CTDSP2: variants seen among roughly 807,000 people sequenced by gnomAD.
CTDSP2 encodes the protein carboxy-terminal domain RNA polymerase II polypeptide A small phosphatase 2.
In CTDSP2, 9 loss-of-function variants were observed where a neutral mutation model predicts 31.6. The ratio of observed to expected loss-of-function variants is 0.28; its 90% confidence interval spans 0.17 to 0.50. CTDSP2 has a LOEUF of 0.50. Among genes scored for constraint, CTDSP2 ranks in the 20% least tolerant of loss-of-function variants. The pLI is 0.98. For synonymous variants in CTDSP2, 134 were observed against 134.5 expected, an observed-to-expected ratio of 1.00 and a Z score of 0.03; for missense variants, 267 against 348.5, an observed-to-expected ratio of 0.77 and a Z score of 1.86.
intron 1 of CTDSP2, among the ~76,000 whole-genome samples, chr12:57,835,266 T>A (rs1337373612): frequency 6.7e-6 from 1 of 149,930 alleles, no homozygotes; most frequent in East Asian, 2.0e-4. Flanking sequence ...AGGCGGAGGC[T>A]GCGGTGAGCC....
intron 1 of CTDSP2, among the ~76,000 whole-genome samples, chr12:57,840,021 T>C (rs772572565): frequency 6.6e-6 from 1 of 152,088 alleles, no homozygotes; most frequent in African/African-American, 2.4e-5. Flanking sequence ...AGGACTCCCC[T>C]TGAAGAGCCA....
chr12:57,826,942 G>A, intron 4 of CTDSP2, 54 bp downstream of exon 4: 1 of 1,363,896 alleles, frequency 7.3e-7, no homozygotes, highest in Non-Finnish European at 1.0e-6. Context: ...TCTGTTGCCA[G>A]ATTCACAAGA....
At chr12:57,843,112 C>G (rs1227117513) in intron 1 of CTDSP2, among the ~76,000 whole-genome samples, 6 of 152,174 alleles carry the variant, frequency 3.9e-5, no homozygotes, top group Non-Finnish European at 8.8e-5. Context: ...AAAAAAATCT[C>G]TGATTCCTCC....
intron 1 of CTDSP2, among the ~76,000 whole-genome samples, chr12:57,835,289 T>C (rs1956240757): frequency 6.6e-6 from 1 of 151,568 alleles, no homozygotes; most frequent in Non-Finnish European, 1.5e-5. Context: ...GATCACACCA[T>C]TGCACTCCAG....
intron 1 of CTDSP2, among the ~76,000 whole-genome samples, chr12:57,833,037 G>A (rs557733991): frequency 6.6e-6 from 1 of 152,248 alleles, no homozygotes; most frequent in Admixed American, 6.5e-5. Flanking sequence ...TCTTCATGCA[G>A]AACCACAATC....
At chr12:57,839,514 C>A (rs567915214) in intron 1 of CTDSP2, among the ~76,000 whole-genome samples, 6 of 152,246 alleles carry the variant, frequency 3.9e-5, no homozygotes, top group African/African-American at 1.2e-4. Flanking sequence ...GTCAGGAGAT[C>A]AAGACCATCC....
chr12:57,835,235 G>A (rs1206928239), intron 1 of CTDSP2, among the ~76,000 whole-genome samples: 2 of 152,016 alleles, frequency 1.3e-5, no homozygotes, highest in African/African-American at 4.8e-5. Flanking sequence ...AGCTGAGGCA[G>A]GAGAATTGCT....
At chr12:57,845,070 G>A (rs1292513883) in intron 1 of CTDSP2, among the ~76,000 whole-genome samples, 1 of 152,186 alleles carries the variant, frequency 6.6e-6, no homozygotes, top group African/African-American at 2.4e-5. Context: ...GGGAGACGTG[G>A]GGCGCACGAG....
Position 57,823,504 on chromosome 12 carries a change from G to A in CTDSP2, c.*98C>T. ...ACTTCCCGCTGTTTCCGGGCCGTGT[G>A]GTGAGGCACTCCAGCTTCTACTCTG... On this transcript the variant is annotated 3_prime_UTR_variant, in exon 8 of 8. Transcript: ENST00000398073. The A allele has an allele frequency of 1.4e-6, 2 of 1,418,500 alleles. No homozygotes were observed. Among genetic ancestry groups the A allele is most frequent in the Non-Finnish European group, 9.6e-7 (1 of 1,036,278 alleles). 87.9% of individuals were successfully genotyped at this position (1,418,500 alleles called of 1,614,324 possible). A position where few individuals can be genotyped will look rare whatever the true frequency, so the allele number is the denominator to read the frequency against.
chr12:57,840,644 T>C (rs1956277054), intron 1 of CTDSP2, among the ~76,000 whole-genome samples: 1 of 151,790 alleles, frequency 6.6e-6, no homozygotes, highest in South Asian at 2.1e-4. Flanking sequence ...CCATATTTGT[T>C]CCCTGGGAAC....
intron 1 of CTDSP2, 112 bp downstream of exon 1, chr12:57,846,260 G>C: frequency 2.0e-6 from 2 of 980,442 alleles, no homozygotes; most frequent in Non-Finnish European, 3.0e-6. Flanking sequence ...GTCCAGTCGG[G>C]ATCGCTGGCT....
rs1392100504 is a variant in CTDSP2 at position 57,846,468 on chromosome 12, G to T, written c.-33C>A. The T allele has an allele frequency of 2.6e-6, 4 of 1,541,768 alleles. No homozygotes were observed. Among genetic ancestry groups the T allele is most frequent in the South Asian group, 1.2e-5 (1 of 82,978 alleles). On this transcript the variant is annotated 5_prime_UTR_variant, in exon 1 of 8. Coordinates refer to ENST00000398073, the MANE Select transcript of CTDSP2 (RefSeq NM_005730.4). The stretch of plus-strand genomic sequence containing the variant: ...TCCCGCGGGCCCGGGCTGGCTGGGC[G>T]GGAGGACGGGCGGGCGCGCGGGCTG...
At chr12:57,824,174 A>AC in intron 6 of CTDSP2, 53 bp downstream of exon 6, 1 of 1,608,600 alleles carries the variant, frequency 6.2e-7, no homozygotes, top group South Asian at 1.1e-5. Context: ...CTGCTGGACC[A>AC]CCCCCGTGGC....
At chr12:57,846,333 CG>C (rs1464044810) in intron 1 of CTDSP2, 38 bp downstream of exon 1, 6 of 1,573,066 alleles carry the variant, frequency 3.8e-6, no homozygotes, top group East Asian at 2.3e-5. Context: ...CCTCCGCGCC[CG>C]GGGGCGACGC....
chr12:57,834,672 G>C (rs946688892), intron 1 of CTDSP2, among the ~76,000 whole-genome samples: 3 of 152,194 alleles, frequency 2.0e-5, no homozygotes, highest in African/African-American at 7.2e-5. Flanking sequence ...GCTCCTTTCA[G>C]CCAGCACTCA....
chr12:57,838,985 C>A (rs1406304376), intron 1 of CTDSP2, among the ~76,000 whole-genome samples: 2 of 152,202 alleles, frequency 1.3e-5, no homozygotes, highest in African/African-American at 2.4e-5. Flanking sequence ...GAGGTAGTAA[C>A]AGGGCCAAAC....
Position 57,846,366 on chromosome 12 carries a change from C to G in CTDSP2, c.64+6G>C. On this transcript the variant is annotated splice_donor_region_variant and intron_variant, in intron 1 of 7. Transcript: ENST00000398073. ...ACGCAAAGTTTTGGGAAGTTGCTGC[C>G]CCTACCTTGCTTGGTGAGCACCAGG... 6.2e-7 allele frequency: 1 copy of G among 1,605,954 alleles called. No homozygotes were observed. Among genetic ancestry groups the G allele is most frequent in the Non-Finnish European group, 8.5e-7 (1 of 1,176,514 alleles).
At chr12:57,844,259 C>T (rs982527699) in intron 1 of CTDSP2, among the ~76,000 whole-genome samples, 1 of 152,134 alleles carries the variant, frequency 6.6e-6, no homozygotes, top group Non-Finnish European at 1.5e-5. Flanking sequence ...ACCACACACA[C>T]AAAAAAGGAG....
chr12:57,845,732 G>C (rs1205649174), intron 1 of CTDSP2, among the ~76,000 whole-genome samples: 1 of 152,162 alleles, frequency 6.6e-6, no homozygotes, highest in African/African-American at 2.4e-5. Flanking sequence ...AGGCAGCCGG[G>C]AGGGAGCCCG....
Sources: gnomAD v4.1 joint callset for allele counts (sites outside exome capture counted in the v4.1 genomes callset) on GRCh38, gnomAD v4.1.1 for gene constraint, MANE v1.5 for transcripts, NCBI Gene and HGNC (gene_info 2026-07-23, HGNC 2026-07-21) for gene names.